The following NCAM2 variants were observed in gnomAD, a reference collection of about 807,000 sequenced individuals.
The protein encoded by NCAM2 is N-CAM-2.
NCAM2 carries 30 observed loss-of-function variants against 98.1 expected under a neutral mutation model. That is an observed-to-expected ratio of 0.31 (90% CI 0.23 to 0.41). The LOEUF is 0.41. Among genes scored for constraint, NCAM2 ranks in the 10% least tolerant of loss-of-function variants. The pLI is 1.00. For synonymous variants in NCAM2, 368 were observed against 342.4 expected, an observed-to-expected ratio of 1.07 and a Z score of -0.83; for missense variants, 867 against 1,005.8, an observed-to-expected ratio of 0.86 and a Z score of 1.87.
rs2066626755 is a variant in NCAM2, at chr21:21,119,404, G to A, written c.55+120786G>A. 2.0e-5 allele frequency among the ~76,000 whole-genome samples: 3 copies of A among 152,088 alleles called. No individual in the cohort carries two copies. In the South Asian group the frequency reaches 6.2e-4, roughly 32 times the overall value. Reference sequence around the variant, plus strand: ...TCCCCATCAATAAGAATAAATTAGTGTTTTAATGAAGGATTTTTTGCTATT... The same window carrying A: ...TCCCCATCAATAAGAATAAATTAGTATTTTAATGAAGGATTTTTTGCTATT... On this transcript the variant is annotated intron_variant, in intron 1 of 17. Coordinates refer to ENST00000400546, the MANE Select transcript of NCAM2 (RefSeq NM_004540.5).
chr21:21,163,267 T>C (rs1489090691), intron 1 of NCAM2, among the ~76,000 whole-genome samples: 8 of 151,476 alleles, frequency 5.3e-5, no homozygotes, highest in African/African-American at 2.0e-4. Flanking sequence ...GGTCGGTGAT[T>C]ACCTGTAGGA....
chr21:21,333,814 T>C (rs1233317870), intron 6 of NCAM2, among the ~76,000 whole-genome samples: 1 of 152,066 alleles, frequency 6.6e-6, no homozygotes, highest in African/African-American at 2.4e-5. Context: ...TTGAGAAATA[T>C]ATTGTATCCC....
intron 1 of NCAM2, among the ~76,000 whole-genome samples, chr21:21,079,347 C>T (rs769404932): frequency 6.6e-6 from 1 of 152,056 alleles, no homozygotes; most frequent in South Asian, 2.1e-4. Flanking sequence ...TAATAAGACA[C>T]CTCTATGAGT....
At chr21:21,280,753 C>T (rs1030851801) in intron 2 of NCAM2, 101 bp downstream of exon 2, 21 of 715,458 alleles carry the variant, frequency 2.9e-5, no homozygotes, top group Non-Finnish European at 4.4e-5. Context: ...AGTTCTCTAA[C>T]AATAACATCT....
intron 12 of NCAM2, among the ~76,000 whole-genome samples, chr21:21,436,162 A>G (rs1425211380): frequency 6.6e-6 from 1 of 152,228 alleles, no homozygotes. Flanking sequence ...CTGTAAATTG[A>G]CAGGAATGAT....
chr21:21,062,293 G>T (rs1402829619), intron 1 of NCAM2, among the ~76,000 whole-genome samples: 1 of 152,092 alleles, frequency 6.6e-6, no homozygotes, highest in Non-Finnish European at 1.5e-5. Context: ...GTATTTTGTA[G>T]TCGTTTTTAT....
At chr21:21,121,449 TG>T (rs1313718321) in intron 1 of NCAM2, among the ~76,000 whole-genome samples, 1 of 152,194 alleles carries the variant, frequency 6.6e-6, no homozygotes, top group Non-Finnish European at 1.5e-5. Flanking sequence ...GAAGAAATTT[TG>T]CACCGTAATT....
rs568433356 is a variant in NCAM2, at chr21:21,160,439, T to A, written c.56-120139T>A. Among the ~76,000 whole-genome samples the A allele has an allele frequency of 3.9e-5, 6 of 152,146 alleles. No individual in the cohort carries two copies. In the South Asian group the frequency reaches 8.3e-4, roughly 21 times the overall value. On this transcript the variant is annotated intron_variant, in intron 1 of 17. Transcript: ENST00000400546. ...ATTTGTGTTGTATTACAACTAAATA[T>A]GAGAATGGCTATTTTATTAAAGAGT...
At chr21:21,010,766 T>C (rs963751138) in intron 1 of NCAM2, among the ~76,000 whole-genome samples, 3 of 152,098 alleles carry the variant, frequency 2.0e-5, no homozygotes, top group Non-Finnish European at 4.4e-5. Context: ...GATGTGGATG[T>C]GTGATGGAAG....
intron 5 of NCAM2, among the ~76,000 whole-genome samples, chr21:21,302,985 G>A (rs1243377666): frequency 6.6e-6 from 1 of 152,080 alleles, no homozygotes; most frequent in Non-Finnish European, 1.5e-5. Context: ...AATCGTAAGT[G>A]ATCTAGTGCA....
chr21:21,067,117 A>T (rs1209355847), intron 1 of NCAM2, among the ~76,000 whole-genome samples: 1 of 151,462 alleles, frequency 6.6e-6, no homozygotes, highest in East Asian at 1.9e-4. Context: ...CTTAATGTTT[A>T]AAAATACATA....
At chr21:21,164,451 G>A (rs1301986702) in intron 1 of NCAM2, among the ~76,000 whole-genome samples, 1 of 152,122 alleles carries the variant, frequency 6.6e-6, no homozygotes, top group East Asian at 1.9e-4. Context: ...AAGAAGAATT[G>A]ATATTGCCTG....
intron 6 of NCAM2, 113 bp downstream of exon 6, chr21:21,324,613 T>TAA: frequency 2.7e-6 from 2 of 753,164 alleles, no homozygotes; most frequent in Non-Finnish European, 4.3e-6. Context: ...TTAGTTTCAT[T>TAA]AAAAAAAAAT....
At chr21:21,290,092 C>T (rs1307268180) in intron 4 of NCAM2, 1 of 151,898 alleles carries the variant, frequency 6.6e-6, no homozygotes, top group Non-Finnish European at 1.5e-5. Context: ...CCTTTGGCAA[C>T]TAGTTCCATG....
chr21:21,096,764 T>G (rs1000718755), intron 1 of NCAM2, among the ~76,000 whole-genome samples: 8 of 151,594 alleles, frequency 5.3e-5, no homozygotes, highest in African/African-American at 1.9e-4. Flanking sequence ...GTGTGTGTGT[T>G]GGTGTTACTT....
intron 1 of NCAM2, among the ~76,000 whole-genome samples, chr21:21,082,956 C>G (rs531412103): frequency 8.5e-5 from 13 of 152,286 alleles, no homozygotes; most frequent in African/African-American, 2.9e-4. Context: ...CCTAGTTTCT[C>G]TTTTTAGAAA....
At chr21:21,359,567 CTG>C (rs2075590864) in intron 8 of NCAM2, among the ~76,000 whole-genome samples, 1 of 151,784 alleles carries the variant, frequency 6.6e-6, no homozygotes, top group South Asian at 2.1e-4. Context: ...CTTAAAAAAA[CTG>C]TCGTCAGTTT....
intron 1 of NCAM2, among the ~76,000 whole-genome samples, chr21:21,193,492 CTTT>C (rs768928139): frequency 1.6e-5 from 2 of 123,790 alleles, no homozygotes; most frequent in African/African-American, 6.1e-5. Context: ...AGTACTTTTC[CTTT>C]TTTTTTTTTT....
intron 15 of NCAM2, among the ~76,000 whole-genome samples, chr21:21,497,692 G>A (rs1409593630): frequency 6.6e-6 from 1 of 152,094 alleles, no homozygotes; most frequent in Non-Finnish European, 1.5e-5. Context: ...AAGAATAAGT[G>A]TTGGGAAATA....
Sources: gnomAD v4.1 joint callset for allele counts (sites outside exome capture counted in the v4.1 genomes callset) on GRCh38, gnomAD v4.1.1 for gene constraint, MANE v1.5 for transcripts, NCBI Gene and HGNC (gene_info 2026-07-23, HGNC 2026-07-21) for gene names.